CCDC171: variants seen among roughly 807,000 people sequenced by gnomAD.
CCDC171 encodes the protein coiled-coil domain-containing protein 171.
A neutral mutation model predicts 168.2 loss-of-function variants in CCDC171; 177 were observed. The observed-to-expected ratio is 1.05, with a 90% CI of 0.93 to 1.19. The LOEUF (loss-of-function observed/expected upper bound fraction) is 1.19. CCDC171 is among the 50% of genes most tolerant of loss of function. The pLI, the probability that CCDC171 is intolerant of heterozygous loss-of-function variation, is 0.00. For synonymous variants in CCDC171, 687 were observed against 540.8 expected, an observed-to-expected ratio of 1.27 and a Z score of -3.75; for missense variants, 1,991 against 1,539.0, an observed-to-expected ratio of 1.29 and a Z score of -4.91.
chr9:15,775,795 CA>C (rs2057293043), intron 18 of CCDC171, among the ~76,000 whole-genome samples: 1 of 152,090 alleles, frequency 6.6e-6, no homozygotes, highest in Admixed American at 6.5e-5. Flanking sequence ...TTCTTGTGTT[CA>C]GCATTGTTGC....
At chr9:16,036,165 T>C (rs1833463214) in exon 8 of CCDC171, 1 of 152,242 alleles carries the variant, frequency 6.6e-6, no homozygotes, top group South Asian at 2.1e-4. Flanking sequence ...ACCTTGTCTT[T>C]GCCTATAGCT....
chr9:15,937,090 G>C (rs1827204727), intron 25 of CCDC171, among the ~76,000 whole-genome samples: 1 of 152,142 alleles, frequency 6.6e-6, no homozygotes, highest in Non-Finnish European at 1.5e-5. Flanking sequence ...ACTGACATAA[G>C]AATTAATTTT....
At chr9:15,596,099 G>A (rs1159506815) in intron 6 of CCDC171, among the ~76,000 whole-genome samples, 3 of 152,148 alleles carry the variant, frequency 2.0e-5, no homozygotes, top group African/African-American at 7.2e-5. Flanking sequence ...TAGGTTGCCT[G>A]TTCACTCTGA....
At chr9:15,950,487 G>T (rs1038457058) in intron 25 of CCDC171, among the ~76,000 whole-genome samples, 8 of 152,062 alleles carry the variant, frequency 5.3e-5, no homozygotes, top group East Asian at 1.9e-4. Context: ...TGAAAGAAAA[G>T]AATTTTCAAC....
intron 7 of CCDC171, among the ~76,000 whole-genome samples, chr9:15,640,474 A>G (rs1009053916): frequency 5.3e-5 from 8 of 152,180 alleles, no homozygotes; most frequent in Non-Finnish European, 2.9e-5. Context: ...TATGTAAAAT[A>G]TATCATGTTA....
At chr9:15,792,938 A>T (rs1302667576) in intron 21 of CCDC171, among the ~76,000 whole-genome samples, 11 of 152,304 alleles carry the variant, frequency 7.2e-5, no homozygotes, top group Admixed American at 3.3e-4. Flanking sequence ...TAACCAGCTA[A>T]CATCATAATG....
chr9:15,799,228 T>C (rs2058705733), intron 21 of CCDC171, among the ~76,000 whole-genome samples: 1 of 148,598 alleles, frequency 6.7e-6, no homozygotes, highest in Non-Finnish European at 1.5e-5. Flanking sequence ...ATTTTCCTTC[T>C]GCTTGAGGAA....
At chr9:15,799,008 TG>T (rs1438171919) in intron 21 of CCDC171, among the ~76,000 whole-genome samples, 2 of 151,526 alleles carry the variant, frequency 1.3e-5, no homozygotes, top group African/African-American at 2.4e-5. Context: ...TTTGTGTTGT[TG>T]TCATAGATTT....
intron 4 of CCDC171, among the ~76,000 whole-genome samples, chr9:15,589,784 A>G (rs1428447271): frequency 6.6e-6 from 1 of 152,204 alleles, no homozygotes; most frequent in Non-Finnish European, 1.5e-5. Context: ...GATGGAAGAA[A>G]CCTCCCAGAA....
chr9:15,599,005 A>G (rs951132177), intron 6 of CCDC171, among the ~76,000 whole-genome samples: 20 of 151,960 alleles, frequency 1.3e-4, no homozygotes, highest in Non-Finnish European at 2.5e-4. Flanking sequence ...TGCTTGGTGG[A>G]TCTTCCTCCA....
At chr9:16,045,444 A>G (rs542114855) in intron 1 of CCDC171, among the ~76,000 whole-genome samples, 11 of 152,230 alleles carry the variant, frequency 7.2e-5, no homozygotes, top group African/African-American at 2.4e-4. Flanking sequence ...CCTGACCTCT[A>G]CCTGCTAGGT....
chr9:15,850,071 G>A (rs568193574), intron 23 of CCDC171, among the ~76,000 whole-genome samples: 2 of 152,010 alleles, frequency 1.3e-5, no homozygotes, highest in Admixed American at 1.3e-4. Context: ...AAAGTCATAT[G>A]TGCCACAAAT....
intron 16 of CCDC171, among the ~76,000 whole-genome samples, chr9:15,734,959 A>T (rs1015505275): frequency 2.0e-5 from 3 of 152,186 alleles, no homozygotes; most frequent in African/African-American, 7.2e-5. Context: ...CTTATGTTTA[A>T]TATTTGGCCA....
At chr9:16,107,757 AACATTTTCATCTCGTTCC>A in the CCDC171 span, among the ~76,000 whole-genome samples, 1 of 152,198 alleles carries the variant, frequency 6.6e-6, no homozygotes, top group African/African-American at 2.4e-5. Context: ...AAAAATTTTA[AACATTTTCATCTCGTTCC>A]ACATGGCCAT....
At position 15,726,340 on chromosome 9, in the gene CCDC171, T is replaced by C. The variant is rs186313945; in HGVS notation, c.1692+1364T>C. 1.3e-3 allele frequency among the ~76,000 whole-genome samples: 194 copies of C among 152,304 alleles called. 1 individual carries two copies. The highest frequency in any genetic ancestry group is 4.3e-3 in the African/African-American group (180 of 41,574). ...AAATGGATGATTATCATGCTTGGTTTATCACAGCCCAAGCAAAAAGGACAT... is the reference window on the plus strand; with the variant it reads ...AAATGGATGATTATCATGCTTGGTTCATCACAGCCCAAGCAAAAAGGACAT... On this transcript the variant is annotated intron_variant, in intron 14 of 25. Transcript: ENST00000380701.
At chr9:15,626,125 T>C (rs2045079348) in intron 7 of CCDC171, among the ~76,000 whole-genome samples, 4 of 152,208 alleles carry the variant, frequency 2.6e-5, no homozygotes, top group Admixed American at 2.6e-4. Context: ...TTGTCTCATA[T>C]TGGTGTATAA....
intron 3 of CCDC171, among the ~76,000 whole-genome samples, chr9:15,989,050 T>G (rs1832095340): frequency 6.6e-6 from 1 of 152,146 alleles, no homozygotes. Context: ...CAGACTTAAA[T>G]GTCCCTGTCT....
chr9:15,839,071 A>G (rs1217904195), intron 21 of CCDC171, among the ~76,000 whole-genome samples: 5 of 152,198 alleles, frequency 3.3e-5, no homozygotes, highest in Non-Finnish European at 7.3e-5. Flanking sequence ...CTATACTACA[A>G]TGGAGTGCTG....
At chr9:15,838,175 A>G (rs1465122297) in intron 21 of CCDC171, among the ~76,000 whole-genome samples, 1 of 152,210 alleles carries the variant, frequency 6.6e-6, no homozygotes, top group African/African-American at 2.4e-5. Flanking sequence ...TAAATATTTA[A>G]TATATACTCT....
Sources: allele counts gnomAD v4.1 joint callset (sites outside exome capture counted in the v4.1 genomes callset), GRCh38; gene constraint gnomAD v4.1.1; transcripts MANE v1.5; gene names NCBI Gene and HGNC (gene_info 2026-07-23, HGNC 2026-07-21).